NLGN1: variants seen among roughly 807,000 people sequenced by gnomAD.
The protein encoded by NLGN1 is neuroligin-1.
NLGN1 carries 12 observed loss-of-function variants against 65.5 expected under a neutral mutation model. That is an observed-to-expected ratio of 0.18 (90% CI 0.12 to 0.30). NLGN1 has a LOEUF of 0.30. NLGN1 is among the 10% of genes least tolerant of loss of function. The probability of loss-of-function intolerance (pLI) is 1.00; values close to 1 mark genes in which losing one functional copy is unlikely to be tolerated. For missense variants in NLGN1, 750 were observed against 1,007.1 expected (o/e 0.74, Z 3.46); for synonymous variants, 350 against 359.5 (o/e 0.97, Z 0.30).
intron 4 of NLGN1, among the ~76,000 whole-genome samples, chr3:174,197,774 G>GTGTGTGTGTA (rs1433164195): frequency 6.6e-6 from 1 of 151,378 alleles, no homozygotes; most frequent in Non-Finnish European, 1.5e-5. Context: ...GTGTGTGTGT[G>GTGTGTGTGTA]TGTATGTAGA....
intron 2 of NLGN1, among the ~76,000 whole-genome samples, chr3:173,490,931 TG>T (rs1391885940): frequency 7.2e-5 from 11 of 152,200 alleles, no homozygotes; most frequent in Non-Finnish European, 4.4e-5. Flanking sequence ...TTGTGATTTT[TG>T]CACATTGATT....
Position 174,286,056 on chromosome 3 carries a change from TAGTA to T in NLGN1, c.*4757_*4760del, listed in dbSNP as rs1347206312. The T allele has an allele frequency of 4.0e-5, 6 of 151,560 alleles. No homozygotes were observed. The South Asian group carries it at 1.0e-3, about 26-fold the overall frequency. 9.4% of individuals were successfully genotyped at this position (151,560 alleles called of 1,614,324 possible). On this transcript the variant is annotated 3_prime_UTR_variant, in exon 7 of 7. Transcript: ENST00000457714. ...TAGCAAACTTTAAAAATTGTCCAAA[TAGTA>T]AGTTTAATTTGAAAGAAGTCTGAAG...
At chr3:174,255,541 A>T (rs530489195) in intron 4 of NLGN1, among the ~76,000 whole-genome samples, 4 of 151,658 alleles carry the variant, frequency 2.6e-5, no homozygotes, top group African/African-American at 9.7e-5. Flanking sequence ...ACTCCTTCTG[A>T]CTGCAAAGAC....
intron 4 of NLGN1, among the ~76,000 whole-genome samples, chr3:173,973,988 CACT>C (rs1716865824): frequency 6.6e-6 from 1 of 151,974 alleles, no homozygotes; most frequent in Non-Finnish European, 1.5e-5. Flanking sequence ...AATTGATTGA[CACT>C]AAGACCACTC....
At chr3:174,123,966 C>G (rs892268612) in intron 4 of NLGN1, among the ~76,000 whole-genome samples, 1 of 152,080 alleles carries the variant, frequency 6.6e-6, no homozygotes, top group Non-Finnish European at 1.5e-5. Flanking sequence ...GCCCTAACCT[C>G]CAGTGTGACT....
intron 4 of NLGN1, among the ~76,000 whole-genome samples, chr3:174,176,164 T>C (rs748162168): frequency 1.3e-5 from 2 of 151,878 alleles, no homozygotes; most frequent in Non-Finnish European, 2.9e-5. Flanking sequence ...TGTTGGGAAG[T>C]TGGACCCTAT....
At chr3:174,056,902 T>C (rs565254192) in intron 4 of NLGN1, among the ~76,000 whole-genome samples, 1 of 152,094 alleles carries the variant, frequency 6.6e-6, no homozygotes, top group African/African-American at 2.4e-5. Flanking sequence ...ATCTAACTTT[T>C]AAGCCATATA....
At chr3:173,415,929 A>G (rs935310709) in intron 1 of NLGN1, among the ~76,000 whole-genome samples, 1 of 145,982 alleles carries the variant, frequency 6.9e-6, no homozygotes. Context: ...GGAGAGAGAG[A>G]GAGAGAGAGA....
At chr3:173,416,341 T>G (rs1713792867) in intron 1 of NLGN1, among the ~76,000 whole-genome samples, 1 of 152,186 alleles carries the variant, frequency 6.6e-6, no homozygotes, top group African/African-American at 2.4e-5. Flanking sequence ...TTTAATGAGA[T>G]AGTATATGCA....
At chr3:173,847,634 G>A (rs1726038929) in intron 4 of NLGN1, among the ~76,000 whole-genome samples, 1 of 152,096 alleles carries the variant, frequency 6.6e-6, no homozygotes, top group Admixed American at 6.5e-5. Flanking sequence ...TATTTTGGAA[G>A]GCTGAGGCAG....
chr3:173,640,914 G>A (rs1453209717), intron 3 of NLGN1, among the ~76,000 whole-genome samples: 1 of 152,108 alleles, frequency 6.6e-6, no homozygotes. Context: ...TCATATCAGG[G>A]CTTTCTATTA....
chr3:174,148,827 A>G (rs1704414433), intron 4 of NLGN1, among the ~76,000 whole-genome samples: 1 of 152,188 alleles, frequency 6.6e-6, no homozygotes, highest in Non-Finnish European at 1.5e-5. Context: ...ATACAGTGGT[A>G]AAGTAAAGCA....
At chr3:173,681,028 C>A (rs559545941) in intron 3 of NLGN1, among the ~76,000 whole-genome samples, 2 of 152,194 alleles carry the variant, frequency 1.3e-5, no homozygotes, top group South Asian at 4.1e-4. Context: ...TCCTTCAACA[C>A]GTTTAACAGT....
chr3:173,414,911 T>C (rs958309928), intron 1 of NLGN1, among the ~76,000 whole-genome samples: 1 of 152,082 alleles, frequency 6.6e-6, no homozygotes, highest in East Asian at 1.9e-4. Context: ...CCCTAAGATG[T>C]CCACATATGA....
At chr3:174,077,632 T>G (rs952019487) in intron 4 of NLGN1, among the ~76,000 whole-genome samples, 3 of 152,138 alleles carry the variant, frequency 2.0e-5, no homozygotes, top group African/African-American at 7.2e-5. Flanking sequence ...CTCGACTCAC[T>G]GCAGCCTCCG....
chr3:174,207,817 C>T lies in NLGN1; in HGVS notation c.647-67498C>T, dbSNP rs561486461. On this transcript the variant is annotated intron_variant, in intron 4 of 6. Transcript: ENST00000457714. Reference sequence around the variant, plus strand: ...ATGGTGTCAAGCACAGAAATTTGCACATTCTAGGCCTTCAGTAGAAGTTGA... The same window carrying T: ...ATGGTGTCAAGCACAGAAATTTGCATATTCTAGGCCTTCAGTAGAAGTTGA... 3.3e-5 allele frequency among the ~76,000 whole-genome samples: 5 copies of T among 152,284 alleles called. 1 individual carries two copies. The South Asian group carries it at 1.0e-3, about 32-fold the overall frequency.
At chr3:173,551,225 C>A (rs1288574604) in intron 2 of NLGN1, among the ~76,000 whole-genome samples, 1 of 145,914 alleles carries the variant, frequency 6.9e-6, no homozygotes, top group African/African-American at 2.6e-5. Flanking sequence ...CAGGATCTTG[C>A]TAAAAGTTTT....
At chr3:173,412,303 C>T (rs769681537) in intron 1 of NLGN1, among the ~76,000 whole-genome samples, 2 of 128,310 alleles carry the variant, frequency 1.6e-5, no homozygotes, top group Non-Finnish European at 3.2e-5. Context: ...TGCATTCTCT[C>T]TCACTCTGAC....
intron 4 of NLGN1, among the ~76,000 whole-genome samples, chr3:173,969,810 A>G (rs751964551): frequency 3.0e-4 from 45 of 152,238 alleles, no homozygotes; most frequent in Non-Finnish European, 3.8e-4. Context: ...GCCTCTGCGT[A>G]GAATCAAAAT....
Sources: gnomAD v4.1 joint callset for allele counts (sites outside exome capture counted in the v4.1 genomes callset) on GRCh38, gnomAD v4.1.1 for gene constraint, MANE v1.5 for transcripts, NCBI Gene and HGNC (gene_info 2026-07-23, HGNC 2026-07-21) for gene names.